The following CHST11 variants were observed in gnomAD, a reference collection of about 807,000 sequenced individuals.
The protein encoded by CHST11 is carbohydrate sulfotransferase 11, also known as C4S-1.
Under a neutral mutation model 30.4 loss-of-function variants are expected in CHST11, and 9 were observed. The ratio of observed to expected loss-of-function variants is 0.30; its 90% CI spans 0.18 to 0.52. The LOEUF is 0.52. Among genes scored for constraint, CHST11 ranks in the 20% least tolerant of loss-of-function variants. The pLI, the probability that CHST11 is intolerant of heterozygous loss-of-function variation, is 0.97. For synonymous variants in CHST11, 152 were observed against 187.8 expected, an observed-to-expected ratio of 0.81 and a Z score of 1.56; for missense variants, 348 against 460.6, an observed-to-expected ratio of 0.76 and a Z score of 2.24.
At chr12:104,704,955 T>G (rs945501908) in intron 2 of CHST11, among the ~76,000 whole-genome samples, 2 of 152,178 alleles carry the variant, frequency 1.3e-5, no homozygotes, top group Non-Finnish European at 2.9e-5. Context: ...GGCATAGGTT[T>G]CTACCTGTTT....
At chr12:104,547,339 C>T (rs1283121261) in intron 1 of CHST11, among the ~76,000 whole-genome samples, 1 of 152,156 alleles carries the variant, frequency 6.6e-6, no homozygotes, top group Non-Finnish European at 1.5e-5. Flanking sequence ...AGGAAGGAGC[C>T]AAACACAGGC....
chr12:104,491,869 A>C (rs2037750424), intron 1 of CHST11, among the ~76,000 whole-genome samples: 1 of 152,062 alleles, frequency 6.6e-6, no homozygotes, highest in Non-Finnish European at 1.5e-5. Context: ...TCAAGACTGA[A>C]TCCTTGCTCA....
intron 2 of CHST11, among the ~76,000 whole-genome samples, chr12:104,691,886 GT>G (rs1475651912): frequency 1.3e-5 from 2 of 152,184 alleles, no homozygotes; most frequent in Admixed American, 1.3e-4. Context: ...AATTCCGAGT[GT>G]GTGGCTTGGT....
At chr12:104,555,866 T>TG (rs1446496152) in intron 1 of CHST11, among the ~76,000 whole-genome samples, 10 of 152,220 alleles carry the variant, frequency 6.6e-5, no homozygotes, top group Admixed American at 5.2e-4. Context: ...AAGGCAGCCC[T>TG]GGGGGCGTCC....
At chr12:104,652,481 G>T (rs972769773) in intron 2 of CHST11, among the ~76,000 whole-genome samples, 1 of 152,206 alleles carries the variant, frequency 6.6e-6, no homozygotes, top group Non-Finnish European at 1.5e-5. Flanking sequence ...GGCGGAAATT[G>T]TTCCAATTTC....
intron 2 of CHST11, among the ~76,000 whole-genome samples, chr12:104,756,697 G>A (rs750077658): frequency 6.6e-6 from 1 of 151,990 alleles, no homozygotes; most frequent in East Asian, 1.9e-4. Flanking sequence ...TCAGGTGTGC[G>A]CCACCATGCC....
At chr12:104,479,492 A>G (rs903183441) in intron 1 of CHST11, among the ~76,000 whole-genome samples, 4 of 152,150 alleles carry the variant, frequency 2.6e-5, no homozygotes, top group Admixed American at 6.5e-5. Flanking sequence ...TGAGTGAGCA[A>G]ATCTCATTGG....
chr12:104,650,399 A>G (rs1041747179), intron 2 of CHST11, among the ~76,000 whole-genome samples: 2 of 152,176 alleles, frequency 1.3e-5, no homozygotes, highest in Non-Finnish European at 2.9e-5. Context: ...TACCAGGTAG[A>G]GAATTATCTG....
chr12:104,475,676 A>ATG (rs2037552058), intron 1 of CHST11, among the ~76,000 whole-genome samples: 1 of 119,530 alleles, frequency 8.4e-6, no homozygotes, highest in Non-Finnish European at 1.8e-5. Flanking sequence ...ATATATATAT[A>ATG]TATATATATA....
At chr12:104,475,689 T>TAA (rs1555226448) in intron 1 of CHST11, among the ~76,000 whole-genome samples, 13 of 77,562 alleles carry the variant, frequency 1.7e-4, no homozygotes, top group African/African-American at 4.7e-4. Context: ...TATATATATA[T>TAA]ATTTCTGATT....
chr12:104,543,321 A>G (rs2038303935), intron 1 of CHST11, among the ~76,000 whole-genome samples: 1 of 152,232 alleles, frequency 6.6e-6, no homozygotes, highest in Non-Finnish European at 1.5e-5. Flanking sequence ...CCCACGCCCA[A>G]CATTAGACGT....
chr12:104,517,325 G>A (rs1439860386), intron 1 of CHST11, among the ~76,000 whole-genome samples: 1 of 152,140 alleles, frequency 6.6e-6, no homozygotes, highest in Non-Finnish European at 1.5e-5. Context: ...TTTAATCCTG[G>A]TCTGTCTACA....
intron 2 of CHST11, among the ~76,000 whole-genome samples, chr12:104,709,014 G>A (rs2040061420): frequency 6.6e-6 from 1 of 151,764 alleles, no homozygotes; most frequent in Admixed American, 6.6e-5. Context: ...CTGGGCCCAA[G>A]GACAGAGCAT....
intron 2 of CHST11, among the ~76,000 whole-genome samples, chr12:104,627,830 G>A (rs545137450): frequency 2.0e-5 from 3 of 152,344 alleles, no homozygotes; most frequent in South Asian, 4.1e-4. Context: ...TTAGCAGGTG[G>A]TGGGTGTGGT....
chr12:104,757,203 C>T lies in CHST11; in HGVS notation c.459C>T (p.Asn153=), dbSNP rs996151350. Residue 153 remains asparagine (N), a synonymous_variant, in exon 3 of 3, where the codon AAC becomes AAT. Transcript: ENST00000303694. This position sits in a 1 kb window ranked among gnomAD's most constrained non-coding sequence, Gnocchi z 6.5. The part of the protein sequence containing the change: ...KYSDPMEIPA[N]EAHVSANLKT... ...GCGACCCCATGGAGATCCCGGCCAA[C>T]GAGGCACACGTCTCCGCCAACCTGA... The T allele has an allele frequency of 7.4e-6, 12 of 1,613,984 alleles. No individual in the cohort carries two copies. Among genetic ancestry groups the T allele is most frequent in the African/African-American group, 2.7e-5 (2 of 74,880 alleles).
At chr12:104,503,760 G>A (rs2037875341) in intron 1 of CHST11, among the ~76,000 whole-genome samples, 1 of 152,264 alleles carries the variant, frequency 6.6e-6, no homozygotes, top group African/African-American at 2.4e-5. Context: ...TGGGACATCA[G>A]CACGGGACAC....
At chr12:104,499,827 C>T (rs1169178668) in intron 1 of CHST11, among the ~76,000 whole-genome samples, 3 of 152,214 alleles carry the variant, frequency 2.0e-5, no homozygotes, top group African/African-American at 7.2e-5. Context: ...CTTCTGCCCC[C>T]TGTGGCCATG....
At chr12:104,589,394 T>C (rs1343923123) in intron 1 of CHST11, among the ~76,000 whole-genome samples, 1 of 116,570 alleles carries the variant, frequency 8.6e-6, no homozygotes, top group East Asian at 3.2e-4. Flanking sequence ...CAGCAAGATC[T>C]TGTCTCAAAA....
intron 2 of CHST11, among the ~76,000 whole-genome samples, chr12:104,616,194 C>T (rs144383644): frequency 2.0e-5 from 3 of 152,294 alleles, no homozygotes; most frequent in African/African-American, 7.2e-5. Context: ...CTTATAAATC[C>T]ACTATGTCTA....
Sources: gnomAD v4.1 joint callset for allele counts (sites outside exome capture counted in the v4.1 genomes callset) on GRCh38, gnomAD v4.1.1 for gene constraint, Gnocchi (gnomAD v3.1) non-coding constraint, MANE v1.5 for transcripts, NCBI Gene and HGNC (gene_info 2026-07-23, HGNC 2026-07-21) for gene names.